The following PDE10A variants were observed in gnomAD, a reference collection of about 807,000 sequenced individuals.
PDE10A encodes cAMP and cAMP-inhibited cGMP 3',5'-cyclic phosphodiesterase 10A.
A neutral mutation model predicts 97.7 loss-of-function variants in PDE10A; 39 were observed. The observed-to-expected ratio is 0.40, with a 90% confidence interval of 0.31 to 0.52. PDE10A has a LOEUF of 0.52. PDE10A is among the 20% of genes least tolerant of loss of function. The pLI is 0.56. For synonymous variants in PDE10A, 371 were observed against 376.8 expected (o/e 0.98, Z 0.18); for missense variants, 731 against 1,047.8 (o/e 0.70, Z 4.17).
chr6:165,912,428 A>G (rs780710753), intron 1 of PDE10A, among the ~76,000 whole-genome samples: 48 of 152,318 alleles, frequency 3.2e-4, no homozygotes, highest in Admixed American at 1.0e-3. Flanking sequence ...GAGCGTTCTC[A>G]GCTGAGGGTG....
intron 1 of PDE10A, among the ~76,000 whole-genome samples, chr6:165,777,153 G>A (rs981195702): frequency 6.6e-6 from 1 of 152,178 alleles, no homozygotes; most frequent in East Asian, 1.9e-4. Flanking sequence ...TTTGCTCTGC[G>A]GGGCTGGCAT....
Position 165,343,755 on chromosome 6 carries a change from G to A in PDE10A, c.2784-253C>T, listed in dbSNP as rs145167194. 4.4e-3 allele frequency among the ~76,000 whole-genome samples: 668 copies of A among 152,288 alleles called. 4 individuals are homozygous for A. Among genetic ancestry groups the A allele is most frequent in the African/African-American group, 0.015 (641 of 41,562 alleles). On this transcript the variant is annotated intron_variant, in intron 18 of 21. Coordinates refer to ENST00000539869, the MANE Select transcript of PDE10A (RefSeq NM_001385079.1). Reference sequence around the variant, plus strand: ...TTCCTGTTGCCTCAATGCTACTGAAGAAATCAAATATAATGTAGGCTCTGA... The same window carrying A: ...TTCCTGTTGCCTCAATGCTACTGAAAAAATCAAATATAATGTAGGCTCTGA...
intron 1 of PDE10A, among the ~76,000 whole-genome samples, chr6:165,651,058 G>A (rs555770809): frequency 1.8e-4 from 27 of 152,242 alleles, no homozygotes; most frequent in Admixed American, 1.7e-3. Flanking sequence ...TAATATTGAT[G>A]GATACTGCCA....
intron 1 of PDE10A, among the ~76,000 whole-genome samples, chr6:165,727,944 G>A (rs1047788366): frequency 5.3e-5 from 8 of 152,250 alleles, no homozygotes; most frequent in African/African-American, 1.7e-4. Flanking sequence ...TAAATAGTTG[G>A]TTGTGTTGTG....
chr6:165,709,114 C>G (rs1156425604), intron 1 of PDE10A, among the ~76,000 whole-genome samples: 1 of 132,700 alleles, frequency 7.5e-6, no homozygotes, highest in Admixed American at 7.6e-5. Flanking sequence ...GCTCTCCCCA[C>G]ACTTTCCGCC....
At chr6:165,721,811 TA>T (rs1230464457) in intron 1 of PDE10A, among the ~76,000 whole-genome samples, 1 of 152,158 alleles carries the variant, frequency 6.6e-6, no homozygotes, top group Non-Finnish European at 1.5e-5. Context: ...TTAAATGACA[TA>T]AAAATATATA....
At chr6:165,479,932 C>T (rs6905169) in intron 3 of PDE10A, among the ~76,000 whole-genome samples, 12,935 of 152,198 alleles carry the variant, frequency 0.085, 701 homozygotes, top group East Asian at 0.25. Context: ...TGGAATGTAG[C>T]TTCTTTAAAA....
chr6:165,790,279 T>C (rs1182261611), intron 1 of PDE10A, among the ~76,000 whole-genome samples: 2 of 152,200 alleles, frequency 1.3e-5, no homozygotes, highest in African/African-American at 4.8e-5. Flanking sequence ...GTGTTTTCTC[T>C]AGTTTCATGC....
intron 1 of PDE10A, among the ~76,000 whole-genome samples, chr6:165,943,346 G>GAAAGAAAGAAAGAA (rs369730730): frequency 8.8e-5 from 7 of 79,574 alleles, no homozygotes; most frequent in Non-Finnish European, 1.3e-4. Context: ...AGAAAGAAAA[G>GAAAGAAAGAAAGAA]AGAAAGAAAG....
At chr6:165,606,050 G>A (rs1490771121) in intron 1 of PDE10A, among the ~76,000 whole-genome samples, 7 of 151,930 alleles carry the variant, frequency 4.6e-5, no homozygotes, top group Admixed American at 3.9e-4. Context: ...GCAGGTGCGT[G>A]GGGATGTTTG....
chr6:165,473,179 T>C (rs1008098937), intron 3 of PDE10A, among the ~76,000 whole-genome samples: 3 of 152,198 alleles, frequency 2.0e-5, no homozygotes, highest in Non-Finnish European at 2.9e-5. Flanking sequence ...GAAATGCTTA[T>C]AGCATAGTAA....
At chr6:165,917,448 T>C (rs1778116934) in intron 1 of PDE10A, among the ~76,000 whole-genome samples, 1 of 151,860 alleles carries the variant, frequency 6.6e-6, no homozygotes, top group Admixed American at 6.6e-5. Context: ...ACCAGGGAGA[T>C]AAAATGGTGG....
intron 18 of PDE10A, among the ~76,000 whole-genome samples, chr6:165,345,558 T>C (rs747752873): frequency 6.6e-6 from 1 of 152,222 alleles, no homozygotes; most frequent in Non-Finnish European, 1.5e-5. Flanking sequence ...TAACTCCAAA[T>C]ATGCTTTAAT....
intron 1 of PDE10A, among the ~76,000 whole-genome samples, chr6:165,806,862 G>T (rs1779157343): frequency 6.6e-6 from 1 of 152,202 alleles, no homozygotes; most frequent in South Asian, 2.1e-4. Context: ...TTGAAAGGAA[G>T]GTTGGTCATA....
intron 1 of PDE10A, among the ~76,000 whole-genome samples, chr6:165,866,495 TCTTAA>T (rs1781055340): frequency 1.3e-5 from 2 of 151,818 alleles, no homozygotes; most frequent in Non-Finnish European, 1.5e-5. Context: ...ATCCGCAGTC[TCTTAA>T]CTTATGAACC....
intron 1 of PDE10A, among the ~76,000 whole-genome samples, chr6:165,740,057 C>G (rs1386577266): frequency 6.6e-6 from 1 of 152,094 alleles, no homozygotes. Flanking sequence ...GGAAGTTACT[C>G]AAAGGACTAA....
rs541757806 is a variant in PDE10A at position 165,659,988 on chromosome 6, T to C, written c.865+1959A>G. ...AGAAGCCTACGATCCCGTGCCTCAGTAGCACCACCTTTCCCCCAGAGCAGC... is the reference window on the plus strand; with the variant it reads ...AGAAGCCTACGATCCCGTGCCTCAGCAGCACCACCTTTCCCCCAGAGCAGC... On this transcript the variant is annotated intron_variant, in intron 1 of 21. Coordinates refer to ENST00000539869, the MANE Select transcript of PDE10A (RefSeq NM_001385079.1). 1.3e-3 allele frequency: 203 copies of C among 152,470 alleles called. 1 individual carries two copies. The highest frequency in any genetic ancestry group is 2.4e-3 in the Non-Finnish European group (165 of 68,164). The allele number at this position is 152,470 out of a possible 1,614,324, so 9.4% of individuals were successfully genotyped here. A position where few individuals can be genotyped will look rare whatever the true frequency, so the allele number is the denominator to read the frequency against.
chr6:165,933,674 GT>G (rs1783220591), intron 1 of PDE10A, among the ~76,000 whole-genome samples: 1 of 152,170 alleles, frequency 6.6e-6, no homozygotes, highest in African/African-American at 2.4e-5. Flanking sequence ...GTGCTTCTGG[GT>G]TTTTACAGCC....
At chr6:165,351,782 G>A (rs906801395) in intron 18 of PDE10A, among the ~76,000 whole-genome samples, 4 of 152,298 alleles carry the variant, frequency 2.6e-5, no homozygotes, top group African/African-American at 9.6e-5. Flanking sequence ...GAGATTGATC[G>A]AGGCAAACTG....
Sources: gnomAD v4.1 joint callset for allele counts (sites outside exome capture counted in the v4.1 genomes callset) on GRCh38, gnomAD v4.1.1 for gene constraint, MANE v1.5 for transcripts, NCBI Gene and HGNC (gene_info 2026-07-23, HGNC 2026-07-21) for gene names.